CASR: variants seen among roughly 807,000 people sequenced by gnomAD.
CASR encodes extracellular calcium-sensing receptor.
In CASR, 23 loss-of-function variants were observed where a neutral mutation model predicts 69.1. The ratio of observed to expected loss-of-function variants is 0.33; its 90% CI spans 0.24 to 0.47. The LOEUF (loss-of-function observed/expected upper bound fraction) is 0.47. Among genes scored for constraint, CASR ranks in the 20% least tolerant of loss-of-function variants. The pLI, the probability that CASR is intolerant of heterozygous loss-of-function variation, is 1.00. For missense variants in CASR, 924 were observed against 1,356.1 expected (o/e 0.68, Z 5.00); for synonymous variants, 541 against 544.7 (o/e 0.99, Z 0.10).
intron 1 of CASR, among the ~76,000 whole-genome samples, chr3:122,204,172 A>C: frequency 6.6e-6 from 1 of 152,110 alleles, no homozygotes; most frequent in East Asian, 1.9e-4. Flanking sequence ...CACCCTGCTG[A>C]TCTATCTAAA....
intron 1 of CASR, among the ~76,000 whole-genome samples, chr3:122,241,313 C>G (rs376208939): frequency 3.3e-5 from 5 of 151,586 alleles, no homozygotes; most frequent in Admixed American, 1.3e-4. Flanking sequence ...TGAGAGAAGA[C>G]CCAAATAAAT....
chr3:122,221,153 T>C (rs1017025300), intron 1 of CASR, among the ~76,000 whole-genome samples: 1 of 152,220 alleles, frequency 6.6e-6, no homozygotes, highest in Admixed American at 6.5e-5. Flanking sequence ...TTCCAAATAT[T>C]GGGAATCCAG....
At chr3:122,265,216 A>G (rs1485751312) in intron 4 of CASR, among the ~76,000 whole-genome samples, 1 of 152,240 alleles carries the variant, frequency 6.6e-6, no homozygotes, top group African/African-American at 2.4e-5. Flanking sequence ...TTAAGCTTCC[A>G]CAGCTCTTTA....
At chr3:122,204,116 C>T (rs1269604387) in intron 1 of CASR, among the ~76,000 whole-genome samples, 1 of 152,124 alleles carries the variant, frequency 6.6e-6, no homozygotes, top group African/African-American at 2.4e-5. Flanking sequence ...CAATTCTTCT[C>T]TTCTAGCTAT....
intron 6 of CASR, 58 bp from the exon 7 acceptor site, chr3:122,283,629 C>T: frequency 3.6e-6 from 5 of 1,386,522 alleles, no homozygotes; most frequent in South Asian, 2.3e-5. Context: ...CACATGTACA[C>T]TCACACATTT....
At chr3:122,266,828 C>T (rs1017777402) in intron 4 of CASR, among the ~76,000 whole-genome samples, 80 of 152,066 alleles carry the variant, frequency 5.3e-4, no homozygotes, top group Non-Finnish European at 9.9e-4. Context: ...CGTGGTGAAA[C>T]CCTGTCTCTA....
At chr3:122,202,476 CCGTGG>C (rs2073967124) in intron 1 of CASR, among the ~76,000 whole-genome samples, 1 of 135,078 alleles carries the variant, frequency 7.4e-6, no homozygotes, top group African/African-American at 2.8e-5. Flanking sequence ...GAGAGGGAGA[CCGTGG>C]GGAGAGGGAG....
In CASR at chr3:122,282,167, A is replaced by G. The variant is rs777646067; in HGVS notation, c.1663A>G (p.Ile555Val). The change falls in exon 6 of 7, where the codon ATT becomes GTT. Residue 555 changes from isoleucine (I) to valine (V), a missense_variant. Physicochemically the swap from Ile to Val is conservative, Grantham distance 29. This residue lies in a region of CASR where 310 missense variants were observed against 395.7 expected (regional missense o/e 0.78). Coordinates refer to ENST00000639785, the MANE Select transcript of CASR (RefSeq NM_000388.4). ...CCTGGCAGGGACCAGGAAAGGGATC[A>G]TTGAGGGGGAGCCCACCTGCTGCTT... ...DCLAGTRKGI[I>V]EGEPTCCFEC... is the part of the protein sequence containing the mutation. 6.2e-7 allele frequency: 1 copy of G among 1,614,200 alleles called. No homozygotes were observed.
At chr3:122,197,859 A>G (rs1303787149) in intron 1 of CASR, among the ~76,000 whole-genome samples, 2 of 152,128 alleles carry the variant, frequency 1.3e-5, no homozygotes, top group African/African-American at 4.8e-5. Context: ...TTCCTCGCCT[A>G]TAAAGTCCAC....
intron 4 of CASR, among the ~76,000 whole-genome samples, chr3:122,275,219 G>A (rs1221916515): frequency 6.6e-6 from 1 of 152,214 alleles, no homozygotes; most frequent in Non-Finnish European, 1.5e-5. Context: ...CAAAGGCTTT[G>A]TGACATATAA....
At chr3:122,266,434 T>A (rs1372539637) in intron 4 of CASR, among the ~76,000 whole-genome samples, 1 of 152,032 alleles carries the variant, frequency 6.6e-6, no homozygotes, top group Non-Finnish European at 1.5e-5. Flanking sequence ...TGTTTGTTTG[T>A]GTTTTGTTTT....
chr3:122,203,296 G>A (rs2073975484), intron 1 of CASR, among the ~76,000 whole-genome samples: 1 of 152,194 alleles, frequency 6.6e-6, no homozygotes, highest in African/African-American at 2.4e-5. Flanking sequence ...ACAGTCATGG[G>A]TTGCTTTACA....
At chr3:122,222,542 C>A (rs2074182108) in intron 1 of CASR, among the ~76,000 whole-genome samples, 1 of 152,060 alleles carries the variant, frequency 6.6e-6, no homozygotes, top group Non-Finnish European at 1.5e-5. Flanking sequence ...AACAAGAAGT[C>A]TTAATGGAGC....
Position 122,202,867 on chromosome 3 carries a change from T to C in CASR, c.-243+19055T>C, listed in dbSNP as rs542137393. On this transcript the variant is annotated intron_variant, in intron 1 of 6. Coordinates refer to ENST00000639785, the MANE Select transcript of CASR (RefSeq NM_000388.4). ...TGAGTACAGATTCAAATTAATTTTT[T>C]CCACATGGATAACCAGTTGCCTCAA... Among the ~76,000 whole-genome samples, 45 of 152,340 alleles carry C rather than the reference T, an allele frequency of 3.0e-4. No homozygotes were observed. The South Asian group carries it at 7.1e-3, about 24-fold the overall frequency.
intron 1 of CASR, among the ~76,000 whole-genome samples, chr3:122,233,234 C>T (rs1463980865): frequency 6.6e-6 from 1 of 152,224 alleles, no homozygotes; most frequent in East Asian, 1.9e-4. Flanking sequence ...CTTTCTAACA[C>T]CCTGTCGGTG....
intron 4 of CASR, among the ~76,000 whole-genome samples, chr3:122,272,375 A>G (rs1300735878): frequency 6.6e-6 from 1 of 152,182 alleles, no homozygotes; most frequent in Non-Finnish European, 1.5e-5. Context: ...TCTAGTACAT[A>G]CATGATTCTT....
intron 2 of CASR, among the ~76,000 whole-genome samples, chr3:122,255,989 C>T (rs1327358026): frequency 1.3e-5 from 2 of 152,212 alleles, no homozygotes; most frequent in East Asian, 1.9e-4. Context: ...GAGCAAAGTG[C>T]TAGGGAAGTG....
chr3:122,223,519 A>C (rs1559943520), intron 1 of CASR, among the ~76,000 whole-genome samples: 1 of 152,232 alleles, frequency 6.6e-6, no homozygotes, highest in Non-Finnish European at 1.5e-5. Context: ...AACCTTGAAC[A>C]GACCAATAAT....
chr3:122,224,448 G>A (rs535376571), intron 1 of CASR, among the ~76,000 whole-genome samples: 23 of 152,082 alleles, frequency 1.5e-4, no homozygotes, highest in African/African-American at 3.4e-4. Context: ...TACAATAGCC[G>A]CAAAAAGAAG....
Sources: allele counts gnomAD v4.1 joint callset (sites outside exome capture counted in the v4.1 genomes callset), GRCh38; gene constraint gnomAD v4.1.1; regional missense constraint gnomAD v4.1.1; transcripts MANE v1.5; gene names NCBI Gene and HGNC (gene_info 2026-07-23, HGNC 2026-07-21).